Variants in AADACL4 observed in about 807,000 individuals in gnomAD.
AADACL4 encodes the protein arylacetamide deacetylase-like 4.
A neutral mutation model predicts 14.1 loss-of-function variants in AADACL4; 9 were observed. The ratio of observed to expected loss-of-function variants is 0.64; its 90% confidence interval spans 0.39 to 1.12. The LOEUF is 1.12. Ranked by LOEUF, AADACL4 falls within the 50% of genes most tolerant of loss-of-function variation. The probability of loss-of-function intolerance (pLI) is 0.01; values close to 1 mark genes in which losing one functional copy is unlikely to be tolerated. For missense variants in AADACL4, 531 were observed against 516.1 expected (o/e 1.03, Z -0.28); for synonymous variants, 188 against 201.6 (o/e 0.93, Z 0.57).
In AADACL4 at chr1:12,650,998, C is replaced by T. The variant is rs1647141790; in HGVS notation, c.169-125C>T. 14 of 903,712 alleles carry T rather than the reference C, an allele frequency of 1.5e-5. No homozygotes were observed. The South Asian group carries it at 1.8e-4, about 11-fold the overall frequency. The allele number at this position is 903,712 out of a possible 1,614,324, so 56.0% of individuals were successfully genotyped here. The stretch of plus-strand genomic sequence containing the variant: ...AGAGCCTATGGATTCCTGAAGAGCC[C>T]CCTGTACCTACAGGAGGCAGGTGAG... On this transcript the variant is annotated intron_variant, in intron 1 of 3. Transcript: ENST00000376221.
chr1:12,653,941 C>G (rs1438093898), intron 2 of AADACL4, among the ~76,000 whole-genome samples: 1 of 152,176 alleles, frequency 6.6e-6, no homozygotes, highest in African/African-American at 2.4e-5. Flanking sequence ...GTATCCCCCC[C>G]TTTCTAGCTC....
At chr1:12,652,253 G>T (rs563304966) in intron 2 of AADACL4, among the ~76,000 whole-genome samples, 24 of 152,064 alleles carry the variant, frequency 1.6e-4, no homozygotes, top group Non-Finnish European at 2.6e-4. Flanking sequence ...TCCTTTACCC[G>T]TTCACTCAGC....
intron 1 of AADACL4, among the ~76,000 whole-genome samples, chr1:12,649,773 T>C (rs1444015735): frequency 1.3e-5 from 2 of 152,184 alleles, no homozygotes; most frequent in African/African-American, 4.8e-5. Flanking sequence ...ATGCTTCTCA[T>C]TTTGGGAAGC....
At position 12,644,647 on chromosome 1, in the gene AADACL4, C is replaced by T; in HGVS notation, c.101C>T (p.Pro34Leu). The T allele has an allele frequency of 1.2e-6, 2 of 1,614,168 alleles. No individual in the cohort carries two copies. The highest frequency in any genetic ancestry group is 8.5e-7 in the Non-Finnish European group (1 of 1,180,008). Residue 34 changes from proline (P) to leucine (L), a missense_variant, in exon 1 of 4, where the codon CCT (proline) becomes CTT (leucine). Physicochemically the swap from Pro to Leu is moderately conservative, Grantham distance 98 (BLOSUM62 -3). Transcript: ENST00000376221. ...VFEHFLTTDI[P>L]ATLQHPAKLR... ...GAGCACTTCCTCACCACGGATATCC[C>T]TGCTACCTTGCAGCATCCTGCCAAG...
chr1:12,658,166 T>TTCTTTCCTTCTTTC (rs368484346), intron 2 of AADACL4, among the ~76,000 whole-genome samples: 1 of 122,826 alleles, frequency 8.1e-6, no homozygotes, highest in Admixed American at 7.6e-5. Flanking sequence ...CTTTCTTTCT[T>TTCTTTCCTTCTTTC]TTTCTCTTTC....
At chr1:12,650,674 A>C (rs1398330869) in intron 1 of AADACL4, among the ~76,000 whole-genome samples, 4 of 152,046 alleles carry the variant, frequency 2.6e-5, no homozygotes, top group African/African-American at 9.7e-5. Context: ...CTGGGACTAC[A>C]GGCGCTCGCC....
intron 1 of AADACL4, among the ~76,000 whole-genome samples, chr1:12,650,202 G>A (rs1647136551): frequency 6.6e-6 from 1 of 152,184 alleles, no homozygotes; most frequent in Non-Finnish European, 1.5e-5. Context: ...AGATTATCCA[G>A]AATCGCTGAA....
At chr1:12,656,230 C>T (rs1441561728) in intron 2 of AADACL4, among the ~76,000 whole-genome samples, 2 of 152,114 alleles carry the variant, frequency 1.3e-5, no homozygotes, top group Admixed American at 6.5e-5. Flanking sequence ...ATGAAATGTC[C>T]CTTGTGATTG....
Position 12,645,456 on chromosome 1 carries a change from C to T in AADACL4, c.168+742C>T, listed in dbSNP as rs182023619. Among the ~76,000 whole-genome samples, 129 of 152,278 alleles carry T rather than the reference C, an allele frequency of 8.5e-4. 3 individuals are homozygous for T. The East Asian group carries it at 0.024, about 29-fold the overall frequency. Reference sequence around the variant, plus strand: ...TTTCAGACCCAGTTCCTGCCTTCCCCGGGCTTGTGGCCTGACAGCCCCTGC... The same window carrying T: ...TTTCAGACCCAGTTCCTGCCTTCCCTGGGCTTGTGGCCTGACAGCCCCTGC... On this transcript the variant is annotated intron_variant, in intron 1 of 3. Coordinates refer to ENST00000376221, the MANE Select transcript of AADACL4 (RefSeq NM_001013630.2).
intron 3 of AADACL4, among the ~76,000 whole-genome samples, chr1:12,665,694 A>G (rs527351448): frequency 3.9e-5 from 6 of 152,318 alleles, no homozygotes; most frequent in Non-Finnish European, 5.9e-5. Flanking sequence ...AATAGCTTCA[A>G]TGAAAACAAA....
At chr1:12,662,024 C>T (rs1051528309) in intron 3 of AADACL4, among the ~76,000 whole-genome samples, 170 bp downstream of exon 3, 1 of 152,038 alleles carries the variant, frequency 6.6e-6, no homozygotes, top group Non-Finnish European at 1.5e-5. Flanking sequence ...CTGAAAGCAA[C>T]CCACATGTCC....
intron 1 of AADACL4, among the ~76,000 whole-genome samples, chr1:12,649,301 G>A (rs574771700): frequency 6.6e-6 from 1 of 152,170 alleles, no homozygotes. Context: ...GGTAAGAAAG[G>A]CTCCCAGGAA....
chr1:12,652,573 A>G (rs1346250344), intron 2 of AADACL4, among the ~76,000 whole-genome samples: 2 of 152,258 alleles, frequency 1.3e-5, no homozygotes, highest in African/African-American at 2.4e-5. Flanking sequence ...GTTGCAAAGG[A>G]AAAAGCACAC....
At chr1:12,645,071 T>C (rs1327299679) in intron 1 of AADACL4, among the ~76,000 whole-genome samples, 1 of 141,816 alleles carries the variant, frequency 7.1e-6, no homozygotes, top group East Asian at 2.4e-4. Context: ...CCTTCCTTCC[T>C]TCCCTCCTTC....
At chr1:12,651,088 C>A in intron 1 of AADACL4, 35 bp from the exon 2 acceptor site, 2 of 1,590,254 alleles carry the variant, frequency 1.3e-6, no homozygotes, top group Non-Finnish European at 1.7e-6. Flanking sequence ...TCTAACCTCT[C>A]CTAACGTCTG....
chr1:12,666,745 T>C lies in AADACL4; in HGVS notation c.*10T>C. 1.9e-6 allele frequency: 3 copies of C among 1,583,694 alleles called. No individual in the cohort carries two copies. Among genetic ancestry groups the C allele is most frequent in the Non-Finnish European group, 2.6e-6 (3 of 1,169,012 alleles). ...TATAAAGGGCATATGATAGTAACCC[T>C]GGGGCCCCGAGGAGGAAGGGGCAAG... On this transcript the variant is annotated 3_prime_UTR_variant, in exon 4 of 4. Transcript: ENST00000376221.
Position 12,654,421 on chromosome 1 carries a change from G to A in AADACL4, c.385+3082G>A, listed in dbSNP as rs1647168677. ...AAAGAGATGATCACTGACTGAGCAT[G>A]TATTGCTTTGCCAGGAGTTTCTTGG... On this transcript the variant is annotated intron_variant, in intron 2 of 3. Transcript: ENST00000376221. 2.0e-5 allele frequency among the ~76,000 whole-genome samples: 3 copies of A among 152,234 alleles called. No homozygotes were observed. The South Asian group carries it at 6.2e-4, about 32-fold the overall frequency.
chr1:12,661,891 G>C (rs751740979), intron 3 of AADACL4, 37 bp downstream of exon 3: 2 of 1,601,450 alleles, frequency 1.2e-6, no homozygotes, highest in Non-Finnish European at 1.7e-6. Flanking sequence ...TTCCACAGGG[G>C]TGAGAGGAGA....
intron 1 of AADACL4, among the ~76,000 whole-genome samples, chr1:12,650,432 A>G (rs1337663276): frequency 1.3e-5 from 2 of 152,152 alleles, no homozygotes; most frequent in Non-Finnish European, 2.9e-5. Context: ...ATCTGTTGAT[A>G]CAGGTGAGGA....
Sources: gnomAD v4.1 joint callset for allele counts (sites outside exome capture counted in the v4.1 genomes callset) on GRCh38, gnomAD v4.1.1 for gene constraint, MANE v1.5 for transcripts, NCBI Gene and HGNC (gene_info 2026-07-23, HGNC 2026-07-21) for gene names.